Variants in AP3S1 observed in about 807,000 individuals in gnomAD.
AP3S1 encodes adaptor related protein complex 3 subunit sigma 1, also known as AP-3 complex subunit sigma-1.
Under a neutral mutation model 21.3 loss-of-function variants are expected in AP3S1, and 12 were observed. The observed-to-expected ratio is 0.56, with a 90% confidence interval of 0.36 to 0.91. The LOEUF (loss-of-function observed/expected upper bound fraction) is 0.91, where lower values mean the gene tolerates loss of function less well. AP3S1 is among the 40% of genes least tolerant of loss of function. The pLI is 0.01. For missense variants in AP3S1, 116 were observed against 225.0 expected (o/e 0.52, Z 3.10); for synonymous variants, 48 against 78.4 (o/e 0.61, Z 2.05).
intron 1 of AP3S1, among the ~76,000 whole-genome samples, chr5:115,847,450 T>C (rs1762144378): frequency 6.6e-6 from 1 of 152,198 alleles, no homozygotes; most frequent in Non-Finnish European, 1.5e-5. Context: ...AAACCCTGTC[T>C]CTATGCCAAA....
At chr5:115,863,585 A>G (rs1763365882) in intron 1 of AP3S1, among the ~76,000 whole-genome samples, 1 of 152,196 alleles carries the variant, frequency 6.6e-6, no homozygotes, top group Middle Eastern at 3.4e-3. Flanking sequence ...AAAAGAAAAG[A>G]AAAAGAAAAT....
chr5:115,843,329 T>G (rs147689804), intron 1 of AP3S1, among the ~76,000 whole-genome samples: 1 of 152,370 alleles, frequency 6.6e-6, no homozygotes, highest in African/African-American at 2.4e-5. Context: ...TTGCCTAAAA[T>G]GATAATGCAG....
intron 4 of AP3S1, among the ~76,000 whole-genome samples, chr5:115,896,099 G>A (rs1042939840): frequency 6.6e-6 from 1 of 152,100 alleles, no homozygotes; most frequent in African/African-American, 2.4e-5. Flanking sequence ...AAAATCCAGT[G>A]TGATTTTTAA....
intron 1 of AP3S1, among the ~76,000 whole-genome samples, chr5:115,863,669 C>T (rs1187490338): frequency 3.9e-5 from 6 of 152,206 alleles, no homozygotes; most frequent in Admixed American, 6.5e-5. Flanking sequence ...CTTTTTACGT[C>T]GTATTGAAAA....
At chr5:115,882,785 T>A (rs1680451448) in intron 3 of AP3S1, among the ~76,000 whole-genome samples, 1 of 152,200 alleles carries the variant, frequency 6.6e-6, no homozygotes, top group African/African-American at 2.4e-5. Flanking sequence ...TTAAGTCTGC[T>A]GAAGCTGTGC....
At chr5:115,874,741 A>C (rs1041417765) in intron 3 of AP3S1, among the ~76,000 whole-genome samples, 6 of 152,150 alleles carry the variant, frequency 3.9e-5, no homozygotes, top group African/African-American at 1.4e-4. Context: ...GATGTTGAGC[A>C]AGTTATTTAT....
Position 115,895,407 on chromosome 5 carries a change from A to G in AP3S1, c.345+249A>G, listed in dbSNP as rs191701378. The stretch of plus-strand genomic sequence containing the variant: ...TAATAATAGTATGTGTAGCATGTTA[A>G]TGGGGACACAGCTGAACCACTTACC... On this transcript the variant is annotated intron_variant, in intron 4 of 5. Coordinates refer to ENST00000316788, the MANE Select transcript of AP3S1 (RefSeq NM_001284.4). Among the ~76,000 whole-genome samples, 4 of 152,320 alleles carry G rather than the reference A, an allele frequency of 2.6e-5. No individual in the cohort carries two copies. In the East Asian group the frequency reaches 7.7e-4, roughly 29 times the overall value.
chr5:115,892,908 A>C (rs1040546731), intron 3 of AP3S1, among the ~76,000 whole-genome samples: 5 of 152,228 alleles, frequency 3.3e-5, no homozygotes, highest in African/African-American at 1.2e-4. Flanking sequence ...TGCCTGTATC[A>C]AAACATCTCA....
At chr5:115,865,789 A>AG (rs779844486) in intron 1 of AP3S1, among the ~76,000 whole-genome samples, 8 of 151,978 alleles carry the variant, frequency 5.3e-5, no homozygotes, top group Non-Finnish European at 8.8e-5. Context: ...TGCAGTGTTT[A>AG]GGAAGCTTAC....
intron 3 of AP3S1, among the ~76,000 whole-genome samples, chr5:115,878,550 G>T (rs1047800240): frequency 1.3e-5 from 2 of 152,112 alleles, no homozygotes; most frequent in Non-Finnish European, 2.9e-5. Context: ...TGTTCCCTTG[G>T]TGTGTATACC....
intron 1 of AP3S1, among the ~76,000 whole-genome samples, chr5:115,851,401 G>A (rs571885238): frequency 6.6e-5 from 10 of 152,104 alleles, no homozygotes; most frequent in Non-Finnish European, 1.3e-4. Flanking sequence ...TGGGGAAGCG[G>A]CACATCATTT....
chr5:115,848,820 C>T (rs1033955346), intron 1 of AP3S1, among the ~76,000 whole-genome samples: 3 of 152,216 alleles, frequency 2.0e-5, no homozygotes, highest in Admixed American at 6.5e-5. Context: ...TTTCAGCTTT[C>T]CTCTCATCAA....
intron 1 of AP3S1, chr5:115,842,540 C>T: frequency 6.2e-6 from 1 of 160,800 alleles, no homozygotes; most frequent in Non-Finnish European, 1.4e-5. Flanking sequence ...GGAACTCGTT[C>T]TTCTCGCCCC....
At chr5:115,852,551 G>A (rs1312718507) in intron 1 of AP3S1, among the ~76,000 whole-genome samples, 5 of 151,938 alleles carry the variant, frequency 3.3e-5, no homozygotes, top group Admixed American at 1.3e-4. Flanking sequence ...TGCAACCATC[G>A]CCACAATCTA....
intron 5 of AP3S1, among the ~76,000 whole-genome samples, chr5:115,905,066 G>T (rs1751530377): frequency 6.6e-6 from 1 of 152,106 alleles, no homozygotes; most frequent in African/African-American, 2.4e-5. Flanking sequence ...AAGCTTGTGG[G>T]AGTTATTTAT....
At chr5:115,844,053 C>T (rs1371526050) in intron 1 of AP3S1, among the ~76,000 whole-genome samples, 1 of 152,118 alleles carries the variant, frequency 6.6e-6, no homozygotes, top group Non-Finnish European at 1.5e-5. Flanking sequence ...GAAGTTGTTT[C>T]TGTGTTTTAA....
intron 1 of AP3S1, among the ~76,000 whole-genome samples, chr5:115,849,679 C>G (rs1020626397): frequency 6.6e-6 from 1 of 152,174 alleles, no homozygotes; most frequent in South Asian, 2.1e-4. Context: ...CAGTGAGGCT[C>G]TCCTCTGATT....
At chr5:115,865,434 A>G (rs776215717) in intron 1 of AP3S1, among the ~76,000 whole-genome samples, 1 of 152,148 alleles carries the variant, frequency 6.6e-6, no homozygotes, top group African/African-American at 2.4e-5. Context: ...CTGTCTATGT[A>G]ATTGCCAATG....
chr5:115,899,055 A>C (rs1049512939), intron 4 of AP3S1, among the ~76,000 whole-genome samples: 26 of 152,300 alleles, frequency 1.7e-4, no homozygotes, highest in African/African-American at 5.8e-4. Flanking sequence ...ACAGCTGTTA[A>C]TATACTCTAT....
Sources: gnomAD v4.1 joint callset for allele counts (sites outside exome capture counted in the v4.1 genomes callset) on GRCh38, gnomAD v4.1.1 for gene constraint, MANE v1.5 for transcripts, NCBI Gene and HGNC (gene_info 2026-07-23, HGNC 2026-07-21) for gene names.